The following SH3TC1 variants were observed in gnomAD, a reference collection of about 807,000 sequenced individuals.
SH3TC1 encodes SH3 domain and tetratricopeptide repeat-containing protein 1.
A neutral mutation model predicts 117.3 loss-of-function variants in SH3TC1; 135 were observed. That is an observed-to-expected ratio of 1.15 (90% CI 1.00 to 1.33). The LOEUF (loss-of-function observed/expected upper bound fraction) is 1.33, where lower values mean the gene tolerates loss of function less well. Ranked by LOEUF, SH3TC1 falls within the 40% of genes most tolerant of loss-of-function variation. The probability of loss-of-function intolerance (pLI) is 0.00; values close to 1 mark genes in which losing one functional copy is unlikely to be tolerated. For missense variants in SH3TC1, 2,092 were observed against 1,794.3 expected, an observed-to-expected ratio of 1.17 and a Z score of -3.00; for synonymous variants, 898 against 816.9, an observed-to-expected ratio of 1.10 and a Z score of -1.69.
In SH3TC1 at chr4:8,227,581, C is replaced by A. The variant is rs770622692; in HGVS notation, c.1887C>A (p.Ala629=). Residue 629 remains alanine, a synonymous_variant, in exon 12 of 18, where the codon GCC becomes GCA. Coordinates refer to ENST00000245105, the MANE Select transcript of SH3TC1 (RefSeq NM_018986.5). ...KCAQVVPKAM[A]LLLGTPDHIC... ...CACAGGTGGTGCCCAAAGCCATGGCCCTGCTCCTGGGGACGCCTGACCACA... is the reference window on the plus strand; with the variant it reads ...CACAGGTGGTGCCCAAAGCCATGGCACTGCTCCTGGGGACGCCTGACCACA... 1 of 1,520,988 alleles carries A rather than the reference C, an allele frequency of 6.6e-7. No individual in the cohort carries two copies. The highest frequency in any genetic ancestry group is 8.8e-7 in the Non-Finnish European group (1 of 1,137,184). The allele number at this position is 1,520,988 out of a possible 1,614,324, so 94.2% of individuals were successfully genotyped here. A position where few individuals can be genotyped will look rare whatever the true frequency, so the allele number is the denominator to read the frequency against.
At chr4:8,185,714 C>T (rs1352672084) in intron 1 of SH3TC1, among the ~76,000 whole-genome samples, 2 of 152,216 alleles carry the variant, frequency 1.3e-5, no homozygotes, top group Admixed American at 6.5e-5. Flanking sequence ...TGTGGTTTAT[C>T]GGACACCCAG....
intron 11 of SH3TC1, among the ~76,000 whole-genome samples, chr4:8,226,588 G>A (rs1354887410): frequency 6.6e-6 from 1 of 152,210 alleles, no homozygotes; most frequent in African/African-American, 2.4e-5. Context: ...ATTTGTAGTC[G>A]TAGTGCTGCG....
chr4:8,223,843 C>T (rs1244951703), intron 10 of SH3TC1, among the ~76,000 whole-genome samples: 1 of 152,092 alleles, frequency 6.6e-6, no homozygotes, highest in Non-Finnish European at 1.5e-5. Context: ...CCATGTTGGC[C>T]AGGCTGTTCT....
chr4:8,206,707 C>T lies in SH3TC1; in HGVS notation c.172+1341C>T, dbSNP rs1390913522. 1.3e-5 allele frequency among the ~76,000 whole-genome samples: 2 copies of T among 152,216 alleles called. No individual in the cohort carries two copies. The highest frequency in any genetic ancestry group is 2.4e-5 in the African/African-American group (1 of 41,464). On this transcript the variant is annotated intron_variant, in intron 2 of 17. Coordinates refer to ENST00000245105, the MANE Select transcript of SH3TC1 (RefSeq NM_018986.5). The surrounding 1 kb of genome is among the most constrained non-coding windows in gnomAD (Gnocchi z 5.5). Reference sequence around the variant, plus strand: ...CTCCTCATCAGCTCCTTCACCTCCTCGTCTTCTCTGGACAATTTCAGATAG... The same window carrying T: ...CTCCTCATCAGCTCCTTCACCTCCTTGTCTTCTCTGGACAATTTCAGATAG...
chr4:8,187,808 C>T (rs1040862250), intron 1 of SH3TC1, among the ~76,000 whole-genome samples: 1 of 152,148 alleles, frequency 6.6e-6, no homozygotes, highest in African/African-American at 2.4e-5. Context: ...TCTCCGCCTC[C>T]CAAAGTGCTG....
intron 1 of SH3TC1, among the ~76,000 whole-genome samples, chr4:8,202,975 GC>G (rs1717936927): frequency 6.6e-6 from 1 of 152,212 alleles, no homozygotes; most frequent in African/African-American, 2.4e-5. Context: ...GGCCTGGGAG[GC>G]CAGTTCTCAG....
chr4:8,194,320 C>T (rs1289737752), upstream of SH3TC1, among the ~76,000 whole-genome samples: 3 of 152,220 alleles, frequency 2.0e-5, no homozygotes, highest in Non-Finnish European at 2.9e-5. Flanking sequence ...CTTCTTTGAG[C>T]GACCTGGGAG....
rs778692724 is a variant in SH3TC1 at position 8,237,709 on chromosome 4, C to T, written c.3753+39C>T. 34 of 1,548,030 alleles carry T rather than the reference C, an allele frequency of 2.2e-5. No individual in the cohort carries two copies. The South Asian group carries it at 3.1e-4, about 14-fold the overall frequency. On this transcript the variant is annotated intron_variant, in intron 17 of 17. Transcript: ENST00000245105. ...GGCTGGGCTCAGGGTGTTCCCGGCC[C>T]CCTTGGAGTGGGATCTCCACCCAGA...
intron 1 of SH3TC1, among the ~76,000 whole-genome samples, chr4:8,200,866 C>T (rs968511206): frequency 1.3e-5 from 2 of 152,238 alleles, no homozygotes; most frequent in Admixed American, 6.5e-5. Context: ...GCCTCCTGCC[C>T]GGCTCCTCTG....
At chr4:8,239,497 C>T (rs529937023) in intron 17 of SH3TC1, among the ~76,000 whole-genome samples, 13 of 150,936 alleles carry the variant, frequency 8.6e-5, no homozygotes, top group East Asian at 1.9e-4. Flanking sequence ...CACAGGCACA[C>T]GCAAATGCAC....
chr4:8,228,763 C>A (rs1213725945), intron 12 of SH3TC1, 119 bp downstream of exon 12: 1 of 883,462 alleles, frequency 1.1e-6, no homozygotes, highest in Non-Finnish European at 1.6e-6. Context: ...TGAGTCATGG[C>A]AAACAGCAGA....
intron 1 of SH3TC1, among the ~76,000 whole-genome samples, chr4:8,187,265 C>G (rs1176019554): frequency 6.6e-6 from 1 of 151,672 alleles, no homozygotes; most frequent in Non-Finnish European, 1.5e-5. Context: ...CCCATCTTAG[C>G]AAGGACACCT....
chr4:8,212,992 G>T, intron 4 of SH3TC1, 164 bp downstream of exon 4: 1 of 914,166 alleles, frequency 1.1e-6, no homozygotes, highest in East Asian at 2.9e-5. Flanking sequence ...ATACCCAGTG[G>T]GTGGCGAGGG....
Position 8,205,062 on chromosome 4 carries a change from G to C in SH3TC1, c.-28-105G>C. On this transcript the variant is annotated intron_variant, in intron 1 of 17. Transcript: ENST00000245105. This position sits in a 1 kb window ranked among gnomAD's most constrained non-coding sequence, Gnocchi z 5.4. ...CTCGCTGGATCTGAAAGGTGCAGGC[G>C]CTCAGCAACGCTGGTGTTCTCTTTC... 3 of 903,432 alleles carry C rather than the reference G, an allele frequency of 3.3e-6. No homozygotes were observed. Among genetic ancestry groups the C allele is most frequent in the Middle Eastern group, 3.5e-4 (1 of 2,846 alleles). The allele number at this position is 903,432 out of a possible 1,614,324, so 56.0% of individuals were successfully genotyped here. A position where few individuals can be genotyped will look rare whatever the true frequency, so the allele number is the denominator to read the frequency against.
rs759986656 is a variant in SH3TC1 at position 8,235,530 on chromosome 4, G to A, written c.3380G>A (p.Arg1127Gln). The A allele has an allele frequency of 3.9e-5, 62 of 1,604,436 alleles. 1 individual carries two copies. Among genetic ancestry groups the A allele is most frequent in the South Asian group, 1.0e-4 (9 of 89,768 alleles). Reference sequence around the variant, plus strand: ...ATCTTCTTCGACGGGGCCTGGGAGCGGGAGAAAGCTGTGTCCTTCTACCGG... The same window carrying A: ...ATCTTCTTCGACGGGGCCTGGGAGCAGGAGAAAGCTGTGTCCTTCTACCGG... ...GDIFFDGAWEREKAVSFYRDR... is the reference protein window; with the variant it reads ...GDIFFDGAWEQEKAVSFYRDR... Residue 1127 changes from arginine to glutamine, a missense_variant, in exon 15 of 18, where the codon CGG (arginine) becomes CAG (glutamine). Arg to Gln is a conservative substitution (Grantham distance 43). Transcript: ENST00000245105.
At chr4:8,216,485 G>A (rs537428184) in intron 6 of SH3TC1, among the ~76,000 whole-genome samples, 1 of 152,324 alleles carries the variant, frequency 6.6e-6, no homozygotes, top group African/African-American at 2.4e-5. Flanking sequence ...CTGGGAAACA[G>A]TGGAAGGGAG....
chr4:8,229,927 G>A lies in SH3TC1; in HGVS notation c.2950+1283G>A, dbSNP rs1034413821. 9.4e-5 allele frequency among the ~76,000 whole-genome samples: 14 copies of A among 149,260 alleles called. 1 individual carries two copies. Among genetic ancestry groups the A allele is most frequent in the Admixed American group, 1.3e-4 (2 of 15,126 alleles). On this transcript the variant is annotated intron_variant, in intron 12 of 17. Coordinates refer to ENST00000245105, the MANE Select transcript of SH3TC1 (RefSeq NM_018986.5). ...TCATGCTTCCCTGTCTCCCCACCCC[G>A]CGTTGAACAGTCGAGGAGACCGGGG...
chr4:8,195,994 G>A (rs963869457), upstream of SH3TC1, among the ~76,000 whole-genome samples: 2 of 152,206 alleles, frequency 1.3e-5, no homozygotes, highest in Non-Finnish European at 2.9e-5. Flanking sequence ...GGTAGGAGGC[G>A]CTAACCTCCC....
rs1453887416 is a variant in SH3TC1, at chr4:8,225,787, G to A, written c.1285+571G>A. The stretch of plus-strand genomic sequence containing the variant: ...GAGCCCTCGGAAGTTCCCTGGGAAT[G>A]GGATCCATTCCAGTACATTTGGGAT... On this transcript the variant is annotated intron_variant, in intron 11 of 17. Transcript: ENST00000245105. This position sits in a 1 kb window ranked among gnomAD's most constrained non-coding sequence, Gnocchi z 5.5. 6.6e-6 allele frequency among the ~76,000 whole-genome samples: 1 copy of A among 152,178 alleles called. No individual in the cohort carries two copies. The highest frequency in any genetic ancestry group is 1.5e-5 in the Non-Finnish European group (1 of 68,028).
Sources: allele counts gnomAD v4.1 joint callset (sites outside exome capture counted in the v4.1 genomes callset), GRCh38; gene constraint gnomAD v4.1.1; non-coding constraint Gnocchi (gnomAD v3.1); transcripts MANE v1.5; gene names NCBI Gene and HGNC (gene_info 2026-07-23, HGNC 2026-07-21).